The following ATF7IP variants were observed in gnomAD, a reference collection of about 807,000 sequenced individuals.
ATF7IP encodes activating transcription factor 7 interacting protein, also known as activating transcription factor 7-interacting protein 1.
Under a neutral mutation model 106.4 loss-of-function variants are expected in ATF7IP, and 23 were observed. The observed-to-expected ratio is 0.22, with a 90% CI of 0.16 to 0.31. The LOEUF is 0.31. ATF7IP is among the 10% of genes least tolerant of loss of function. The pLI is 1.00. For synonymous variants in ATF7IP, 542 were observed against 539.0 expected (o/e 1.01, Z -0.08); for missense variants, 1,334 against 1,524.3 (o/e 0.88, Z 2.08).
intron 1 of ATF7IP, among the ~76,000 whole-genome samples, chr12:14,379,141 A>G (rs1002766543): frequency 6.6e-6 from 1 of 152,142 alleles, no homozygotes; most frequent in Non-Finnish European, 1.5e-5. Context: ...TTTTTCATGA[A>G]TTGTTTAGCA....
At chr12:14,449,765 A>G (rs1052667497) in intron 6 of ATF7IP, among the ~76,000 whole-genome samples, 1 of 151,646 alleles carries the variant, frequency 6.6e-6, no homozygotes, top group Non-Finnish European at 1.5e-5. Flanking sequence ...ATTGCATTGA[A>G]TCTGCAGGTT....
intron 13 of ATF7IP, among the ~76,000 whole-genome samples, chr12:14,485,976 G>A (rs1944596045): frequency 6.6e-6 from 1 of 152,156 alleles, no homozygotes; most frequent in African/African-American, 2.4e-5. Context: ...GTACCTCCAG[G>A]TATGGGATAT....
At chr12:14,463,206 C>T (rs1943706729) in intron 9 of ATF7IP, among the ~76,000 whole-genome samples, 2 of 151,978 alleles carry the variant, frequency 1.3e-5, no homozygotes, top group Admixed American at 1.3e-4. Flanking sequence ...ATTTTCTAAG[C>T]TCTATACTTA....
At chr12:14,463,665 T>G (rs900987757) in intron 9 of ATF7IP, among the ~76,000 whole-genome samples, 30 of 152,264 alleles carry the variant, frequency 2.0e-4, no homozygotes, top group African/African-American at 7.0e-4. Context: ...GTGACATCCA[T>G]GAACCCTGGT....
intron 1 of ATF7IP, chr12:14,385,458 G>A (rs186240653): frequency 1.8e-4 from 267 of 1,460,386 alleles, no homozygotes; most frequent in Admixed American, 5.6e-4. Context: ...TTTTAAAAAG[G>A]AATTTAACTG....
chr12:14,499,408 C>T lies in ATF7IP; in HGVS notation c.*1335C>T, dbSNP rs893324679. On this transcript the variant is annotated 3_prime_UTR_variant, in exon 15 of 15. Transcript: ENST00000261168. ...CACATTTTAGTATCCGTGTTGCACA[C>T]TGTGTTAGAGATTATGAAAACCATT... 6.6e-6 allele frequency: 1 copy of T among 152,238 alleles called. No individual in the cohort carries two copies. The highest frequency in any genetic ancestry group is 1.5e-5 in the Non-Finnish European group (1 of 68,054). The allele number at this position is 152,238 out of a possible 1,614,324, so 9.4% of individuals were successfully genotyped here. A position where few individuals can be genotyped will look rare whatever the true frequency, so the allele number is the denominator to read the frequency against.
chr12:14,452,253 C>T (rs1414681666), intron 6 of ATF7IP, among the ~76,000 whole-genome samples: 1 of 152,138 alleles, frequency 6.6e-6, no homozygotes, highest in African/African-American at 2.4e-5. Flanking sequence ...AAGTGAGCCT[C>T]TTGTAGGCAC....
At chr12:14,479,668 G>A (rs1944372843) in intron 12 of ATF7IP, among the ~76,000 whole-genome samples, 1 of 151,894 alleles carries the variant, frequency 6.6e-6, no homozygotes, top group Non-Finnish European at 1.5e-5. Context: ...GGTAGGGACT[G>A]TTTAGATTTG....
chr12:14,438,001 C>T (rs911460810), intron 4 of ATF7IP, 129 bp from the exon 5 acceptor site: 2 of 782,664 alleles, frequency 2.6e-6, no homozygotes, highest in Non-Finnish European at 3.8e-6. Context: ...TGCAGTGAGC[C>T]GAGATCCTGC....
At chr12:14,396,589 A>G (rs2136449843) in intron 1 of ATF7IP, among the ~76,000 whole-genome samples, 1 of 152,304 alleles carries the variant, frequency 6.6e-6, no homozygotes, top group South Asian at 2.1e-4. Context: ...GATGAGGAGA[A>G]GGTCATGCTT....
chr12:14,494,032 G>A (rs901607942), intron 13 of ATF7IP, among the ~76,000 whole-genome samples: 3 of 151,732 alleles, frequency 2.0e-5, no homozygotes, highest in African/African-American at 7.3e-5. Context: ...CTTCCCACAA[G>A]CAGTGAATCA....
chr12:14,416,270 TTATTTAA>T (rs5796594), intron 1 of ATF7IP, among the ~76,000 whole-genome samples: 46,137 of 151,592 alleles, frequency 0.3, 8,088 homozygotes, highest in Admixed American at 0.45. Flanking sequence ...CATAAAGTGA[TTATTTAA>T]TATTTAATTC....
chr12:14,452,944 A>T (rs1014993733), intron 6 of ATF7IP, among the ~76,000 whole-genome samples: 1 of 152,116 alleles, frequency 6.6e-6, no homozygotes, highest in Non-Finnish European at 1.5e-5. Flanking sequence ...TTTTAATTTC[A>T]CCTTCATTTT....
Position 14,454,717 on chromosome 12 carries a change from G to A in ATF7IP, c.1996-1844G>A, listed in dbSNP as rs1943357930. On this transcript the variant is annotated intron_variant, in intron 6 of 14. Coordinates refer to ENST00000261168, the MANE Select transcript of ATF7IP (RefSeq NM_018179.5). The stretch of plus-strand genomic sequence containing the variant: ...TTGTTAAGTCATCTCCATATGGGAA[G>A]CAGAGGGGACTTCCTGTTCTGACAT... 2.0e-5 allele frequency among the ~76,000 whole-genome samples: 3 copies of A among 152,182 alleles called. No homozygotes were observed. In the South Asian group the frequency reaches 6.2e-4, roughly 32 times the overall value.
At chr12:14,455,730 G>A (rs188907285) in intron 6 of ATF7IP, among the ~76,000 whole-genome samples, 34 of 151,938 alleles carry the variant, frequency 2.2e-4, no homozygotes, top group African/African-American at 6.8e-4. Flanking sequence ...GACCACAGGC[G>A]TGTATTACCA....
Position 14,446,970 on chromosome 12 carries a change from CTTTTT to C in ATF7IP, c.1930-8_1930-4del. ...CTATTTGATTTCCATTCATTTTTGT[CTTTTT>C]TTTTTTTTTCAGGCCAAGATAGCCA... is the stretch of plus-strand genomic sequence containing the variant. On this transcript the variant is annotated splice_polypyrimidine_tract_variant and intron_variant, in intron 5 of 14. Transcript: ENST00000261168. 6 of 1,223,966 alleles carry C rather than the reference CTTTTT, an allele frequency of 4.9e-6. No individual in the cohort carries two copies. The highest frequency in any genetic ancestry group is 1.8e-5 in the African/African-American group (1 of 56,026). The allele number at this position is 1,223,966 out of a possible 1,614,324, so 75.8% of individuals were successfully genotyped here. A position where few individuals can be genotyped will look rare whatever the true frequency, so the allele number is the denominator to read the frequency against.
In ATF7IP at chr12:14,409,948, C is replaced by T. The variant is rs190613028; in HGVS notation, c.-7-13961C>T. 2.4e-3 allele frequency among the ~76,000 whole-genome samples: 359 copies of T among 152,138 alleles called. 3 individuals carry two copies. Among genetic ancestry groups the T allele is most frequent in the African/African-American group, 8.4e-3 (348 of 41,522 alleles). ...ATTGAGATACAGTTCACATGTCATA[C>T]AATTCATCTGTTTGAGTGTATAATT... On this transcript the variant is annotated intron_variant, in intron 1 of 14. Coordinates refer to ENST00000261168, the MANE Select transcript of ATF7IP (RefSeq NM_018179.5).
intron 1 of ATF7IP, among the ~76,000 whole-genome samples, chr12:14,423,228 TTTA>T (rs1294569585): frequency 6.6e-6 from 1 of 152,182 alleles, no homozygotes; most frequent in Non-Finnish European, 1.5e-5. Flanking sequence ...AATTGGGTGA[TTTA>T]TTATTGAATT....
chr12:14,467,607 A>G (rs1027277759), intron 10 of ATF7IP, among the ~76,000 whole-genome samples: 5 of 152,086 alleles, frequency 3.3e-5, no homozygotes, highest in African/African-American at 1.2e-4. Context: ...CTTAAGTGAC[A>G]TTTATAGGAA....
Sources: gnomAD v4.1 joint callset for allele counts (sites outside exome capture counted in the v4.1 genomes callset) on GRCh38, gnomAD v4.1.1 for gene constraint, MANE v1.5 for transcripts, NCBI Gene and HGNC (gene_info 2026-07-23, HGNC 2026-07-21) for gene names.